FGF13: variants seen among roughly 807,000 people sequenced by gnomAD.
FGF13 encodes the protein fibroblast growth factor homologous factor 2.
In FGF13, 2 loss-of-function variants were observed where a neutral mutation model predicts 19.5. That is an observed-to-expected ratio of 0.10 (90% CI 0.04 to 0.32). The LOEUF (loss-of-function observed/expected upper bound fraction) is 0.32. FGF13 is among the 10% of genes least tolerant of loss of function. The probability of loss-of-function intolerance (pLI) is 1.00; values close to 1 mark genes in which losing one functional copy is unlikely to be tolerated. For missense variants in FGF13, 113 were observed against 192.7 expected (o/e 0.59, Z 2.45); for synonymous variants, 72 against 76.9 (o/e 0.94, Z 0.33).
At chrX:138,816,598 G>C (rs2090963249) in intron 3 of FGF13, among the ~76,000 whole-genome samples, 1 of 112,505 alleles carries the variant, frequency 8.9e-6, no homozygotes, top group East Asian at 2.8e-4. Context: ...TTTTCTGGAA[G>C]TCTGAAATCA....
chrX:139,104,610 T>C (rs1163877168), intron 1 of FGF13, among the ~76,000 whole-genome samples: 1 of 111,774 alleles, frequency 8.9e-6, no homozygotes, highest in African/African-American at 3.3e-5. Flanking sequence ...AAGTGGCTTA[T>C]AAACACCATA....
rs1476070486 is a variant in FGF13, at chrX:138,615,092, A to G, written c.*17758T>C. Reference sequence around the variant, plus strand: ...GCACAAGGGATCTTAGTGGTGACGGAACAGTTCCATATCTTGATCATTGTA... The same window carrying G: ...GCACAAGGGATCTTAGTGGTGACGGGACAGTTCCATATCTTGATCATTGTA... On this transcript the variant is annotated 3_prime_UTR_variant, in exon 5 of 5. Transcript: ENST00000315930. 2 of 112,082 alleles carry G rather than the reference A, an allele frequency of 1.8e-5. No individual in the cohort carries two copies. Among genetic ancestry groups the G allele is most frequent in the Non-Finnish European group, 3.8e-5 (2 of 53,197 alleles). 9.2% of individuals were successfully genotyped at this position (112,082 alleles called of 1,213,427 possible).
chrX:139,088,541 A>G (rs1389443382), intron 1 of FGF13, among the ~76,000 whole-genome samples: 1 of 73,965 alleles, frequency 1.4e-5, no homozygotes, highest in Non-Finnish European at 2.6e-5. Flanking sequence ...TACTTGCAAG[A>G]AAAAAAAAAA....
intron 1 of FGF13, among the ~76,000 whole-genome samples, chrX:139,147,305 G>A (rs1025155010): frequency 2.7e-5 from 3 of 109,416 alleles, no homozygotes; most frequent in African/African-American, 1.0e-4. Context: ...TGGAAAAGTC[G>A]ATTTCCTCCG....
At chrX:138,860,784 T>G (rs1227840773) in intron 2 of FGF13, among the ~76,000 whole-genome samples, 1 of 112,413 alleles carries the variant, frequency 8.9e-6, no homozygotes, top group Non-Finnish European at 1.9e-5. Context: ...GCCCCATGCT[T>G]TTTGAAAGGC....
intron 3 of FGF13, among the ~76,000 whole-genome samples, chrX:138,794,863 A>G (rs758624897): frequency 2.7e-5 from 3 of 112,018 alleles, no homozygotes; most frequent in Non-Finnish European, 5.6e-5. Flanking sequence ...AATCATAAAT[A>G]ACTCTAGCCA....
intron 1 of FGF13, among the ~76,000 whole-genome samples, chrX:138,924,782 C>A (rs1416031071): frequency 9.2e-6 from 1 of 108,724 alleles, no homozygotes; most frequent in African/African-American, 3.4e-5. Context: ...AAGGGACATC[C>A]TAACCAAGGG....
rs778902844 is a variant in FGF13, at chrX:138,629,088, T to C, written c.*3762A>G. 6.3e-5 allele frequency: 7 copies of C among 111,725 alleles called. No individual in the cohort carries two copies. Among genetic ancestry groups the C allele is most frequent in the South Asian group, 7.5e-4 (2 of 2,659 alleles). 9.2% of individuals were successfully genotyped at this position (111,725 alleles called of 1,213,427 possible). A position where few individuals can be genotyped will look rare whatever the true frequency, so the allele number is the denominator to read the frequency against. On this transcript the variant is annotated 3_prime_UTR_variant, in exon 5 of 5. Coordinates refer to ENST00000315930, the MANE Select transcript of FGF13 (RefSeq NM_004114.5). ...AACACTGACATTAAGTGCTGTGGCA[T>C]AGAACAGTAGGTATCAGATTCAGGA...
intron 3 of FGF13, among the ~76,000 whole-genome samples, chrX:138,690,410 G>T (rs1314465398): frequency 9.0e-6 from 1 of 110,747 alleles, no homozygotes; most frequent in Non-Finnish European, 1.9e-5. Flanking sequence ...AAAATGGAGG[G>T]AAATATATCC....
intron 1 of FGF13, among the ~76,000 whole-genome samples, chrX:139,150,544 G>C (rs2083926500): frequency 9.0e-6 from 1 of 111,623 alleles, no homozygotes; most frequent in Admixed American, 9.5e-5. Context: ...TTCAAATAGT[G>C]AATCTTCTTT....
intron 3 of FGF13, among the ~76,000 whole-genome samples, chrX:138,759,804 G>T (rs967324805): frequency 8.9e-6 from 1 of 111,818 alleles, no homozygotes; most frequent in Non-Finnish European, 1.9e-5. Flanking sequence ...AGCTGTGTAG[G>T]CTTGTTGTGA....
chrX:138,703,220 T>C (rs1409664479), intron 2 of FGF13, 133 bp from the exon 3 acceptor site: 3 of 492,952 alleles, frequency 6.1e-6, no homozygotes, highest in South Asian at 3.0e-5. Context: ...TGTCTGTTTA[T>C]GTAGACATGC....
intron 1 of FGF13, among the ~76,000 whole-genome samples, chrX:139,018,897 TCAC>T (rs1366576554): frequency 9.0e-6 from 1 of 110,686 alleles, no homozygotes; most frequent in East Asian, 2.9e-4. Context: ...TGTCAAACTA[TCAC>T]CACAATCAAT....
At position 138,654,059 on chromosome X, in the gene FGF13, T is replaced by C. The variant is rs138327428; in HGVS notation, c.403-18404A>G. Among the ~76,000 whole-genome samples, 865 of 111,336 alleles carry C rather than the reference T, an allele frequency of 7.8e-3. 9 individuals carry two copies. The highest frequency in any genetic ancestry group is 0.054 in the South Asian group (146 of 2,680). The stretch of plus-strand genomic sequence containing the variant: ...TTTAAGTCAGTAAGTTGCAGAACAA[T>C]AATTAGAACCCAGTCGGGTCTAACT... On this transcript the variant is annotated intron_variant, in intron 3 of 4. Transcript: ENST00000315930.
At chrX:138,986,013 C>T (rs896154124) in intron 1 of FGF13, among the ~76,000 whole-genome samples, 4 of 111,586 alleles carry the variant, frequency 3.6e-5, no homozygotes, top group African/African-American at 1.3e-4. Flanking sequence ...TTGAATCTGA[C>T]GGTTTTACAT....
At chrX:138,890,326 G>T (rs989902558) in intron 1 of FGF13, among the ~76,000 whole-genome samples, 2 of 111,594 alleles carry the variant, frequency 1.8e-5, no homozygotes, top group Admixed American at 1.9e-4. Context: ...CTGTTATGTG[G>T]CAAGTACAGT....
chrX:138,997,297 C>T (rs951784285), intron 1 of FGF13, among the ~76,000 whole-genome samples: 34 of 111,746 alleles, frequency 3.0e-4, no homozygotes, highest in Admixed American at 9.5e-4. Flanking sequence ...CACAACCCTT[C>T]GCCAGCAAGG....
intron 2 of FGF13, among the ~76,000 whole-genome samples, chrX:138,862,649 AACCATCT>A (rs1386848471): frequency 8.9e-6 from 1 of 111,893 alleles, no homozygotes; most frequent in Admixed American, 9.5e-5. Flanking sequence ...CCTCCCAGCT[AACCATCT>A]ACTTATCTCT....
At chrX:138,819,925 A>T (rs909563781) in intron 3 of FGF13, among the ~76,000 whole-genome samples, 1 of 111,836 alleles carries the variant, frequency 8.9e-6, no homozygotes, top group Non-Finnish European at 1.9e-5. Context: ...AGTTAGGCCA[A>T]GTGGCTTATC....
Sources: gnomAD v4.1 joint callset for allele counts (sites outside exome capture counted in the v4.1 genomes callset) on GRCh38, gnomAD v4.1.1 for gene constraint, MANE v1.5 for transcripts, NCBI Gene and HGNC (gene_info 2026-07-23, HGNC 2026-07-21) for gene names.